PTPRD: variants seen among roughly 807,000 people sequenced by gnomAD.
The protein encoded by PTPRD is protein tyrosine phosphatase receptor type D.
Under a neutral mutation model 214.5 loss-of-function variants are expected in PTPRD, and 34 were observed. That is an observed-to-expected ratio of 0.16 (90% CI 0.12 to 0.21). The LOEUF (loss-of-function observed/expected upper bound fraction) is 0.21. PTPRD is among the 10% of genes least tolerant of loss of function. The probability of loss-of-function intolerance (pLI) is 1.00; values close to 1 mark genes in which losing one functional copy is unlikely to be tolerated. For missense variants in PTPRD, 2,545 were observed against 2,398.7 expected, an observed-to-expected ratio of 1.06 and a Z score of -1.27; for synonymous variants, 1,128 against 845.7, an observed-to-expected ratio of 1.33 and a Z score of -5.79.
chr9:9,669,791 A>C (rs2096792840), intron 7 of PTPRD, among the ~76,000 whole-genome samples: 1 of 152,172 alleles, frequency 6.6e-6, no homozygotes, highest in African/African-American at 2.4e-5. Flanking sequence ...CTTTATGAGA[A>C]TATTGAGGAT....
intron 4 of PTPRD, among the ~76,000 whole-genome samples, chr9:9,959,912 G>C (rs929064812): frequency 2.6e-5 from 4 of 152,128 alleles, no homozygotes; most frequent in Admixed American, 6.5e-5. Context: ...TTTACATATA[G>C]AGATATTTTA....
chr9:8,918,216 C>T (rs144192048), intron 11 of PTPRD, among the ~76,000 whole-genome samples: 181 of 152,256 alleles, frequency 1.2e-3, no homozygotes, highest in African/African-American at 4.1e-3. Context: ...TGTTAGTGCA[C>T]ACCTGCTGAC....
intron 3 of PTPRD, among the ~76,000 whole-genome samples, chr9:10,096,978 C>A (rs556710565): frequency 6.1e-4 from 92 of 152,062 alleles, no homozygotes; most frequent in African/African-American, 2.1e-3. Flanking sequence ...TTCCCAGCAC[C>A]ATTTATTAAA....
At chr9:9,741,206 A>G (rs1021251495) in intron 6 of PTPRD, among the ~76,000 whole-genome samples, 1 of 152,220 alleles carries the variant, frequency 6.6e-6, no homozygotes, top group Non-Finnish European at 1.5e-5. Flanking sequence ...CTGTACATGT[A>G]AATCTGTGGC....
intron 11 of PTPRD, among the ~76,000 whole-genome samples, chr9:8,822,692 A>T (rs2097095484): frequency 6.6e-6 from 1 of 152,116 alleles, no homozygotes; most frequent in Non-Finnish European, 1.5e-5. Flanking sequence ...TGGGGCTATT[A>T]TTTTTATACC....
intron 12 of PTPRD, among the ~76,000 whole-genome samples, chr9:8,696,340 G>C (rs1321784102): frequency 6.6e-6 from 1 of 152,190 alleles, no homozygotes; most frequent in Non-Finnish European, 1.5e-5. Context: ...TTAACTCATT[G>C]ATTTATTCAC....
chr9:9,533,589 T>G (rs2075942356), intron 8 of PTPRD, among the ~76,000 whole-genome samples: 1 of 152,132 alleles, frequency 6.6e-6, no homozygotes, highest in African/African-American at 2.4e-5. Context: ...AAAAACAATA[T>G]TTGAAATGAC....
At chr9:8,729,297 C>T (rs1254670705) in intron 12 of PTPRD, among the ~76,000 whole-genome samples, 1 of 151,916 alleles carries the variant, frequency 6.6e-6, no homozygotes, top group African/African-American at 2.4e-5. Flanking sequence ...TCATATTTCC[C>T]CTCTTGATCT....
intron 11 of PTPRD, among the ~76,000 whole-genome samples, chr9:8,968,909 A>G (rs2099217933): frequency 6.6e-6 from 1 of 152,084 alleles, no homozygotes; most frequent in Non-Finnish European, 1.5e-5. Context: ...TTGAATGGAA[A>G]AAGTTCACAA....
At chr9:10,225,920 T>A (rs2099587358) in intron 3 of PTPRD, among the ~76,000 whole-genome samples, 2 of 152,134 alleles carry the variant, frequency 1.3e-5, no homozygotes, top group Non-Finnish European at 1.5e-5. Flanking sequence ...TTGAGAAGAA[T>A]AACAACTTTA....
intron 5 of PTPRD, among the ~76,000 whole-genome samples, chr9:9,915,504 T>A (rs1368628869): frequency 6.6e-6 from 1 of 151,100 alleles, no homozygotes; most frequent in Non-Finnish European, 1.5e-5. Flanking sequence ...AACTCATGAT[T>A]TGAATGAGAA....
At chr9:10,500,872 A>T (rs2043465056) in intron 2 of PTPRD, among the ~76,000 whole-genome samples, 1 of 151,814 alleles carries the variant, frequency 6.6e-6, no homozygotes, top group Non-Finnish European at 1.5e-5. Context: ...ATTGCGACCG[A>T]CAGAATATCA....
intron 5 of PTPRD, among the ~76,000 whole-genome samples, chr9:9,922,384 G>C (rs561869846): frequency 6.6e-6 from 1 of 152,138 alleles, no homozygotes; most frequent in East Asian, 1.9e-4. Context: ...ACATAATCAA[G>C]GGACCTGTAA....
intron 5 of PTPRD, among the ~76,000 whole-genome samples, chr9:9,787,589 T>C (rs1234479679): frequency 6.6e-6 from 1 of 151,408 alleles, no homozygotes; most frequent in Non-Finnish European, 1.5e-5. Flanking sequence ...AAAAAGAAGA[T>C]TGAGGAATGG....
chr9:9,985,843 T>C (rs1013118052), intron 4 of PTPRD, among the ~76,000 whole-genome samples: 5 of 151,964 alleles, frequency 3.3e-5, no homozygotes, highest in Non-Finnish European at 5.9e-5. Flanking sequence ...TATTGTACAA[T>C]TCAAACTTTA....
chr9:9,019,338 ACGAAAGAAAGAAAGAAAGAAAG>A (rs2099553234), intron 10 of PTPRD, among the ~76,000 whole-genome samples: 2 of 21,096 alleles, frequency 9.5e-5, no homozygotes, highest in Non-Finnish European at 1.4e-4. Context: ...GAAAGAAAGA[ACGAAAGAAAGAAAGAAAGAAAG>A]AATCTGAATT....
intron 10 of PTPRD, among the ~76,000 whole-genome samples, chr9:9,164,515 A>G (rs1003801471): frequency 3.9e-5 from 6 of 152,188 alleles, no homozygotes; most frequent in African/African-American, 1.4e-4. Flanking sequence ...GGTTTCAGTA[A>G]TTAGGATGTA....
At chr9:9,563,164 A>C (rs975711224) in intron 8 of PTPRD, among the ~76,000 whole-genome samples, 6 of 152,190 alleles carry the variant, frequency 3.9e-5, no homozygotes, top group African/African-American at 1.2e-4. Flanking sequence ...AGAGATTAAA[A>C]ATAAAAGGGG....
At chr9:8,804,523 G>C (rs1055190648) in intron 11 of PTPRD, among the ~76,000 whole-genome samples, 1 of 152,076 alleles carries the variant, frequency 6.6e-6, no homozygotes, top group African/African-American at 2.4e-5. Flanking sequence ...GCTGGGCACT[G>C]GAGGTCGAGG....
Sources: allele counts gnomAD v4.1 joint callset (sites outside exome capture counted in the v4.1 genomes callset), GRCh38; gene constraint gnomAD v4.1.1; transcripts MANE v1.5; gene names NCBI Gene and HGNC (gene_info 2026-07-23, HGNC 2026-07-21).